The following PRKN variants were observed in gnomAD, a reference collection of about 807,000 sequenced individuals.
PRKN encodes the protein parkin RBR E3 ubiquitin protein ligase, also known as E3 ubiquitin-protein ligase parkin.
PRKN carries 56 observed loss-of-function variants against 59.5 expected under a neutral mutation model. The ratio of observed to expected loss-of-function variants is 0.94; its 90% CI spans 0.76 to 1.18. The LOEUF is 1.18. Among genes scored for constraint, PRKN ranks in the 50% most tolerant of loss-of-function variants. The probability of loss-of-function intolerance (pLI) is 0.00; values close to 1 mark genes in which losing one functional copy is unlikely to be tolerated. For synonymous variants in PRKN, 250 were observed against 222.1 expected (o/e 1.13, Z -1.12); for missense variants, 657 against 596.4 (o/e 1.10, Z -1.06).
intron 2 of PRKN, among the ~76,000 whole-genome samples, chr6:162,407,901 GC>G (rs1422362908): frequency 6.6e-6 from 1 of 150,538 alleles, no homozygotes; most frequent in African/African-American, 2.4e-5. Flanking sequence ...ATTCATTTGG[GC>G]CCAGGTATTT....
intron 5 of PRKN, among the ~76,000 whole-genome samples, chr6:162,006,264 T>A (rs1782249697): frequency 6.6e-6 from 1 of 152,142 alleles, no homozygotes; most frequent in African/African-American, 2.4e-5. Context: ...TCCAATTCAA[T>A]TTCCATTCAA....
intron 9 of PRKN, among the ~76,000 whole-genome samples, chr6:161,425,391 GA>G (rs1788296102): frequency 6.6e-6 from 1 of 152,192 alleles, no homozygotes; most frequent in South Asian, 2.1e-4. Flanking sequence ...ATCCTGATCT[GA>G]AAGTTCACAG....
chr6:162,188,639 CTTT>C (rs1337795213), intron 4 of PRKN, among the ~76,000 whole-genome samples: 1 of 152,180 alleles, frequency 6.6e-6, no homozygotes, highest in African/African-American at 2.4e-5. Context: ...AAGAAAACTT[CTTT>C]GAGGCAGGAG....
intron 1 of PRKN, chr6:162,727,218 A>C (rs943388540): frequency 6.0e-6 from 1 of 166,276 alleles, no homozygotes; most frequent in African/African-American, 2.4e-5. Context: ...CGGTTTCCTG[A>C]AAGAGCCCCA....
At chr6:162,339,952 G>A (rs1470509674) in intron 2 of PRKN, among the ~76,000 whole-genome samples, 1 of 148,376 alleles carries the variant, frequency 6.7e-6, no homozygotes, top group Non-Finnish European at 1.5e-5. Context: ...TGCTCGTTAA[G>A]AGTCATCACC....
chr6:162,013,037 T>A (rs536948126), intron 5 of PRKN, among the ~76,000 whole-genome samples: 1 of 152,146 alleles, frequency 6.6e-6, no homozygotes, highest in Admixed American at 6.6e-5. Flanking sequence ...ACTTACCAGT[T>A]TTAGTATCCA....
Position 161,386,181 on chromosome 6 carries a change from A to G in PRKN, c.1167+613T>C, listed in dbSNP as rs1583004191. On this transcript the variant is annotated intron_variant, in intron 10 of 11. Coordinates refer to ENST00000366898, the MANE Select transcript of PRKN (RefSeq NM_004562.3). This position sits in a 1 kb window ranked among gnomAD's most constrained non-coding sequence, Gnocchi z 4.3. ...ATGAGCAAATTCATCTACTGTGATG[A>G]CGTTTTTACTCTTTTTCCCTGAAGG... Among the ~76,000 whole-genome samples, 1 of 151,982 alleles carries G rather than the reference A, an allele frequency of 6.6e-6. No homozygotes were observed. Among genetic ancestry groups the G allele is most frequent in the Non-Finnish European group, 1.5e-5 (1 of 68,044 alleles).
At chr6:161,621,068 A>G (rs1014798630) in intron 7 of PRKN, among the ~76,000 whole-genome samples, 1 of 152,002 alleles carries the variant, frequency 6.6e-6, no homozygotes, top group African/African-American at 2.4e-5. Context: ...GATGCTTACC[A>G]TCAATGCCCC....
At chr6:161,769,818 A>G (rs1789588385) in intron 7 of PRKN, among the ~76,000 whole-genome samples, 4 of 152,190 alleles carry the variant, frequency 2.6e-5, no homozygotes, top group Admixed American at 2.6e-4. Flanking sequence ...TGCCCCTCAG[A>G]AGATAACCAC....
In PRKN at chr6:161,473,432, G is replaced by T. The variant is rs1019335836; in HGVS notation, c.1083+75422C>A. ...GAGATTCTACTATTTTTGGCAACATGTATTAACCTGGAGGACATTATGCTA... is the reference window on the plus strand; with the variant it reads ...GAGATTCTACTATTTTTGGCAACATTTATTAACCTGGAGGACATTATGCTA... On this transcript the variant is annotated intron_variant, in intron 9 of 11. Coordinates refer to ENST00000366898, the MANE Select transcript of PRKN (RefSeq NM_004562.3). The surrounding 1 kb of genome is among the most constrained non-coding windows in gnomAD (Gnocchi z 4.1). Among the ~76,000 whole-genome samples the T allele has an allele frequency of 6.6e-6, 1 of 151,514 alleles. No individual in the cohort carries two copies. Among genetic ancestry groups the T allele is most frequent in the African/African-American group, 2.4e-5 (1 of 41,286 alleles).
intron 9 of PRKN, among the ~76,000 whole-genome samples, chr6:161,501,787 T>C (rs1777973772): frequency 6.6e-6 from 1 of 152,164 alleles, no homozygotes; most frequent in Non-Finnish European, 1.5e-5. Context: ...TCTTGAGCCA[T>C]GGGTTGTGTG....
intron 5 of PRKN, among the ~76,000 whole-genome samples, chr6:161,982,800 C>A (rs199572310): frequency 0.39 from 23,396 of 59,480 alleles, 4,874 homozygotes; most frequent in South Asian, 0.5. Flanking sequence ...ACCATAAAAA[C>A]CCTAGAAGAA....
chr6:161,434,949 T>C (rs925850614), intron 9 of PRKN, among the ~76,000 whole-genome samples: 2 of 151,900 alleles, frequency 1.3e-5, no homozygotes, highest in African/African-American at 4.8e-5. Flanking sequence ...GGTTAAAGAG[T>C]TCCTGGGAAG....
In PRKN at chr6:161,561,971, G is replaced by A. The variant is rs556069682; in HGVS notation, c.933+7384C>T. On this transcript the variant is annotated intron_variant, in intron 8 of 11. Coordinates refer to ENST00000366898, the MANE Select transcript of PRKN (RefSeq NM_004562.3). The surrounding 1 kb of genome is among the most constrained non-coding windows in gnomAD (Gnocchi z 5.0). Reference sequence around the variant, plus strand: ...TGCCACAGTGTCACAGGCGAAGGACGCTCCCTGACCTCATCTTCTGCAAAC... The same window carrying A: ...TGCCACAGTGTCACAGGCGAAGGACACTCCCTGACCTCATCTTCTGCAAAC... Among the ~76,000 whole-genome samples the A allele has an allele frequency of 6.6e-6, 1 of 152,224 alleles. No individual in the cohort carries two copies. The highest frequency in any genetic ancestry group is 2.1e-4 in the South Asian group (1 of 4,820).
intron 1 of PRKN, among the ~76,000 whole-genome samples, chr6:162,445,151 A>G (rs957539603): frequency 5.3e-5 from 8 of 152,182 alleles, no homozygotes; most frequent in Admixed American, 2.0e-4. Context: ...AATAATAATC[A>G]GGCACTTACT....
At chr6:162,166,047 CAAAAAAAAAAAA>C (rs10557222) in intron 4 of PRKN, among the ~76,000 whole-genome samples, 2 of 80,240 alleles carry the variant, frequency 2.5e-5, no homozygotes, top group African/African-American at 5.1e-5. Flanking sequence ...GACTCTATCT[CAAAAAAAAAAAA>C]AAAAAAAAAA....
chr6:161,715,205 T>C (rs1319281059), intron 7 of PRKN, among the ~76,000 whole-genome samples: 1 of 152,186 alleles, frequency 6.6e-6, no homozygotes, highest in African/African-American at 2.4e-5. Flanking sequence ...CATTCACTGA[T>C]ATTAGAAGGC....
chr6:162,533,350 C>G (rs1015054118), intron 1 of PRKN, among the ~76,000 whole-genome samples: 1 of 151,930 alleles, frequency 6.6e-6, no homozygotes, highest in African/African-American at 2.4e-5. Flanking sequence ...ATAGTGAAAC[C>G]CTGTCTCTAC....
At chr6:162,330,522 A>C (rs975852524) in intron 2 of PRKN, among the ~76,000 whole-genome samples, 1 of 152,142 alleles carries the variant, frequency 6.6e-6, no homozygotes, top group African/African-American at 2.4e-5. Context: ...TGAATTCTAG[A>C]TATTGAGTCT....
Sources: allele counts gnomAD v4.1 joint callset (sites outside exome capture counted in the v4.1 genomes callset), GRCh38; gene constraint gnomAD v4.1.1; non-coding constraint Gnocchi (gnomAD v3.1); transcripts MANE v1.5; gene names NCBI Gene and HGNC (gene_info 2026-07-23, HGNC 2026-07-21).